The following CFAP221 variants were observed in gnomAD, a reference collection of about 807,000 sequenced individuals.
The protein encoded by CFAP221 is cilia and flagella associated protein 221, also known as cilia- and flagella-associated protein 221.
A neutral mutation model predicts 113.1 loss-of-function variants in CFAP221; 97 were observed. That is an observed-to-expected ratio of 0.86 (90% CI 0.73 to 1.02). CFAP221 has a LOEUF of 1.02. Ranked by LOEUF, CFAP221 falls within the 50% of genes least tolerant of loss-of-function variation. The probability of loss-of-function intolerance (pLI) is 0.00; values close to 1 mark genes in which losing one functional copy is unlikely to be tolerated. For missense variants in CFAP221, 1,025 were observed against 1,013.4 expected (o/e 1.01, Z -0.16); for synonymous variants, 331 against 354.4 (o/e 0.93, Z 0.74).
chr2:119,617,897 G>A (rs1459862088), intron 14 of CFAP221, among the ~76,000 whole-genome samples: 2 of 152,086 alleles, frequency 1.3e-5, no homozygotes, highest in African/African-American at 4.8e-5. Flanking sequence ...CTTTGTTCCG[G>A]CATCAGGACC....
intron 8 of CFAP221, 182 bp downstream of exon 8, chr2:119,601,559 C>G (rs1684369600): frequency 1.9e-6 from 1 of 530,746 alleles, no homozygotes; most frequent in Non-Finnish European, 3.0e-6. Flanking sequence ...ATGCTAGTAG[C>G]AAGAGTTGCT....
At chr2:119,569,099 A>T (rs1248885634) in intron 6 of CFAP221, among the ~76,000 whole-genome samples, 3 of 150,674 alleles carry the variant, frequency 2.0e-5, no homozygotes, top group African/African-American at 4.9e-5. Flanking sequence ...CTACTGGGAA[A>T]TTTTTTTTTC....
chr2:119,629,894 T>C lies in CFAP221; in HGVS notation c.1670T>C (p.Leu557Pro). The C allele has an allele frequency of 1.2e-6, 2 of 1,613,642 alleles. No homozygotes were observed. Among genetic ancestry groups the C allele is most frequent in the Non-Finnish European group, 1.7e-6 (2 of 1,179,538 alleles). The change falls in exon 17 of 24, where the codon CTG becomes CCG. Residue 557 changes from leucine (L) to proline (P), a missense_variant. Leu to Pro is a moderately conservative substitution (Grantham distance 98, BLOSUM62 -3). Transcript: ENST00000413369. ...SNELAPDGLG[L>P]VPIKSSEVQI... Reference sequence around the variant, plus strand: ...TTTTAGGCTCCTGATGGCCTTGGACTGGTCCCAATTAAGTCTTCAGAAGTT... The same window carrying C: ...TTTTAGGCTCCTGATGGCCTTGGACCGGTCCCAATTAAGTCTTCAGAAGTT...
At chr2:119,621,910 C>G (rs1685948975) in intron 14 of CFAP221, among the ~76,000 whole-genome samples, 2 of 152,086 alleles carry the variant, frequency 1.3e-5, no homozygotes, top group Non-Finnish European at 2.9e-5. Flanking sequence ...AAATTTATAG[C>G]ACTAAATGCC....
intron 3 of CFAP221, among the ~76,000 whole-genome samples, chr2:119,558,327 A>G (rs907880343): frequency 2.0e-5 from 3 of 152,110 alleles, no homozygotes; most frequent in African/African-American, 7.2e-5. Flanking sequence ...GGCTGCTCTC[A>G]TGGGTCTGGC....
At chr2:119,603,066 A>G (rs1015109429) in intron 8 of CFAP221, among the ~76,000 whole-genome samples, 2 of 152,214 alleles carry the variant, frequency 1.3e-5, no homozygotes, top group Non-Finnish European at 2.9e-5. Context: ...GAAGGGAAAA[A>G]AACTAGCTGT....
intron 19 of CFAP221, among the ~76,000 whole-genome samples, chr2:119,634,252 A>T (rs1302851022): frequency 2.0e-5 from 3 of 152,218 alleles, no homozygotes; most frequent in African/African-American, 2.4e-5. Context: ...AGGCAGGAGG[A>T]TCAGTTGAGC....
chr2:119,600,918 C>T (rs1365914816), intron 7 of CFAP221, among the ~76,000 whole-genome samples: 1 of 152,184 alleles, frequency 6.6e-6, no homozygotes, highest in Non-Finnish European at 1.5e-5. Context: ...AATATATTTT[C>T]TCTTCCTTAT....
intron 14 of CFAP221, among the ~76,000 whole-genome samples, chr2:119,621,556 C>T (rs1406455753): frequency 2.0e-5 from 3 of 152,146 alleles, no homozygotes; most frequent in East Asian, 1.9e-4. Context: ...TAAATATCTA[C>T]GGAACTCTCC....
intron 11 of CFAP221, 36 bp downstream of exon 11, chr2:119,605,325 T>C: frequency 2.1e-6 from 3 of 1,455,686 alleles, no homozygotes; most frequent in East Asian, 2.3e-5. Context: ...CAAGTGTCAG[T>C]ACAGTTATTT....
chr2:119,607,934 C>G (rs1302937639), intron 11 of CFAP221, among the ~76,000 whole-genome samples: 1 of 152,186 alleles, frequency 6.6e-6, no homozygotes, highest in Non-Finnish European at 1.5e-5. Flanking sequence ...GTAGTTTCCA[C>G]TTTTTGACTA....
At chr2:119,640,446 C>A (rs914768234) in intron 21 of CFAP221, among the ~76,000 whole-genome samples, 2 of 152,126 alleles carry the variant, frequency 1.3e-5, no homozygotes, top group Non-Finnish European at 2.9e-5. Flanking sequence ...TGCTAATTTG[C>A]TTATTTAATA....
At chr2:119,557,915 C>T (rs538987505) in intron 3 of CFAP221, among the ~76,000 whole-genome samples, 29 of 147,454 alleles carry the variant, frequency 2.0e-4, no homozygotes, top group African/African-American at 2.8e-4. Flanking sequence ...GCGAAGATCG[C>T]GCCACTGCAC....
rs1250135466 is a variant in CFAP221, at chr2:119,604,910, A to G, written c.947A>G (p.Asp316Gly). 2 of 1,614,136 alleles carry G rather than the reference A, an allele frequency of 1.2e-6. No homozygotes were observed. The highest frequency in any genetic ancestry group is 1.6e-4 in the Middle Eastern group (1 of 6,062). ...TACCAGAACCTCAGATTTCCAGTAG[A>G]TTTATCGAATCCATTTGCTGTGGCA... Reference protein sequence around the residue: ...IEYQNLRFPVDLSNPFAVATV... With the variant: ...IEYQNLRFPVGLSNPFAVATV... The change falls in exon 10 of 24, where the codon GAT becomes GGT. Residue 316 changes from aspartate (D) to glycine (G), a missense_variant. By Grantham distance (94) the Asp-to-Gly change is moderately conservative. Coordinates refer to ENST00000413369, the MANE Select transcript of CFAP221 (RefSeq NM_001271049.2).
At chr2:119,640,974 A>G (rs1240050618) in intron 21 of CFAP221, among the ~76,000 whole-genome samples, 1 of 152,192 alleles carries the variant, frequency 6.6e-6, no homozygotes, top group African/African-American at 2.4e-5. Context: ...TAGTAAGAGT[A>G]CAAGAGCTCA....
At chr2:119,638,105 C>CGG in intron 19 of CFAP221, 154 bp from the exon 20 acceptor site, 2 of 643,634 alleles carry the variant, frequency 3.1e-6, no homozygotes, top group South Asian at 4.1e-5. Context: ...GAAGACACCT[C>CGG]TGCTCTCCTG....
At chr2:119,595,167 T>C (rs1314349973) in intron 7 of CFAP221, among the ~76,000 whole-genome samples, 1 of 152,254 alleles carries the variant, frequency 6.6e-6, no homozygotes, top group African/African-American at 2.4e-5. Context: ...CCTCCCCTGC[T>C]GGTCTGTGAT....
chr2:119,614,114 C>T lies in CFAP221; in HGVS notation c.1312-1497C>T, dbSNP rs554477106. Among the ~76,000 whole-genome samples the T allele has an allele frequency of 1.1e-4, 17 of 152,364 alleles. No individual in the cohort carries two copies. The South Asian group carries it at 3.5e-3, about 32-fold the overall frequency. ...TTTGCTAAAACAAAGAAAGAGTCAC[C>T]TTCATTCCAGTTCCCAACAAGTTCC... On this transcript the variant is annotated intron_variant, in intron 13 of 23. Transcript: ENST00000413369.
chr2:119,634,433 C>T (rs1188476865), intron 19 of CFAP221, among the ~76,000 whole-genome samples: 1 of 152,164 alleles, frequency 6.6e-6, no homozygotes, highest in East Asian at 1.9e-4. Flanking sequence ...CACCACTGCA[C>T]TCCGGCCTGG....
Sources: gnomAD v4.1 joint callset for allele counts (sites outside exome capture counted in the v4.1 genomes callset) on GRCh38, gnomAD v4.1.1 for gene constraint, MANE v1.5 for transcripts, NCBI Gene and HGNC (gene_info 2026-07-23, HGNC 2026-07-21) for gene names.